The following ARHGAP20 variants were observed in gnomAD, a reference collection of about 807,000 sequenced individuals.
ARHGAP20 encodes the protein Rho GTPase activating protein 20.
Under a neutral mutation model 73.7 loss-of-function variants are expected in ARHGAP20, and 34 were observed. The ratio of observed to expected loss-of-function variants is 0.46; its 90% confidence interval spans 0.35 to 0.61. ARHGAP20 has a LOEUF of 0.61. Ranked by LOEUF, ARHGAP20 falls within the 20% of genes least tolerant of loss-of-function variation. The pLI, the probability that ARHGAP20 is intolerant of heterozygous loss-of-function variation, is 0.00. For missense variants in ARHGAP20, 1,314 were observed against 1,420.9 expected (o/e 0.92, Z 1.21); for synonymous variants, 523 against 518.2 (o/e 1.01, Z -0.13).
chr11:110,621,828 T>C (rs529723916), intron 4 of ARHGAP20, among the ~76,000 whole-genome samples: 1 of 152,334 alleles, frequency 6.6e-6, no homozygotes, highest in East Asian at 1.9e-4. Flanking sequence ...ATTACAAATG[T>C]TTTGTTTTGG....
chr11:110,703,809 G>T (rs990298770), intron 1 of ARHGAP20, among the ~76,000 whole-genome samples: 2 of 152,118 alleles, frequency 1.3e-5, no homozygotes, highest in Admixed American at 6.6e-5. Flanking sequence ...CCCTGGAGTA[G>T]GTAGAGTCAA....
At chr11:110,697,773 T>C (rs891889043) in intron 1 of ARHGAP20, among the ~76,000 whole-genome samples, 2 of 151,866 alleles carry the variant, frequency 1.3e-5, no homozygotes, top group Non-Finnish European at 2.9e-5. Flanking sequence ...TTCTGCTCCA[T>C]TGATCTGTAT....
intron 2 of ARHGAP20, among the ~76,000 whole-genome samples, chr11:110,653,596 A>C (rs1486353887): frequency 2.0e-5 from 3 of 152,206 alleles, no homozygotes; most frequent in African/African-American, 4.8e-5. Flanking sequence ...GGTTGCAGAG[A>C]AATCGGAATG....
chr11:110,582,317 A>G lies in ARHGAP20; in HGVS notation c.1720+4T>C. 4 of 1,595,510 alleles carry G rather than the reference A, an allele frequency of 2.5e-6. No individual in the cohort carries two copies. Among genetic ancestry groups the G allele is most frequent in the South Asian group, 1.1e-5 (1 of 90,624 alleles). The stretch of plus-strand genomic sequence containing the variant: ...ACAAAAACCAATCCAATTATTCACA[A>G]TACCTGAGGCATTCTCTCTAGTGTC... On this transcript the variant is annotated splice_donor_region_variant and intron_variant, in intron 14 of 14. Coordinates refer to ENST00000683387, the MANE Select transcript of ARHGAP20 (RefSeq NM_001384657.1).
In ARHGAP20 at chr11:110,580,561, C is replaced by T; in HGVS notation, c.2385G>A (p.Lys795=). Residue 795 remains lysine (K), a synonymous_variant, in exon 15 of 15, where the codon AAG becomes AAA. Transcript: ENST00000683387. ...SEGNHVKLFP[K]SKPVAISVAS... is the part of the protein sequence containing the mutation. ...CCACAGAAATGGCCACTGGCTTAGA[C>T]TTAGGGAAAAGTTTCACGTGATTTC... 1 of 1,614,236 alleles carries T rather than the reference C, an allele frequency of 6.2e-7. No homozygotes were observed. The highest frequency in any genetic ancestry group is 8.5e-7 in the Non-Finnish European group (1 of 1,180,048).
At chr11:110,652,298 C>G (rs775626711) in intron 2 of ARHGAP20, among the ~76,000 whole-genome samples, 1 of 152,090 alleles carries the variant, frequency 6.6e-6, no homozygotes, top group African/African-American at 2.4e-5. Flanking sequence ...TGGGCAAAAG[C>G]TGGAAGCATT....
At chr11:110,666,232 T>C (rs1949721565) in intron 2 of ARHGAP20, among the ~76,000 whole-genome samples, 1 of 152,198 alleles carries the variant, frequency 6.6e-6, no homozygotes. Context: ...AATGAAGAGA[T>C]ACCATGTTCA....
intron 9 of ARHGAP20, among the ~76,000 whole-genome samples, chr11:110,605,581 AC>A (rs1229315351): frequency 3.9e-5 from 6 of 152,242 alleles, no homozygotes; most frequent in African/African-American, 1.4e-4. Context: ...ATAGCTACAT[AC>A]AAATGTTTCT....
Position 110,598,941 on chromosome 11 carries a change from G to A in ARHGAP20, c.965-6786C>T, listed in dbSNP as rs1474522326. Among the ~76,000 whole-genome samples, 3 of 151,620 alleles carry A rather than the reference G, an allele frequency of 2.0e-5. No homozygotes were observed. The East Asian group carries it at 5.8e-4, about 29-fold the overall frequency. On this transcript the variant is annotated intron_variant, in intron 9 of 14. Coordinates refer to ENST00000683387, the MANE Select transcript of ARHGAP20 (RefSeq NM_001384657.1). Reference sequence around the variant, plus strand: ...CCATCTGAGTTGTGGTTGCAGGCCTGAGCTTCCTGCTCCACAGAGCAGGTA... The same window carrying A: ...CCATCTGAGTTGTGGTTGCAGGCCTAAGCTTCCTGCTCCACAGAGCAGGTA...
At chr11:110,674,630 T>TTA (rs148568539) in intron 2 of ARHGAP20, among the ~76,000 whole-genome samples, 2,370 of 151,722 alleles carry the variant, frequency 0.016, 26 homozygotes, top group South Asian at 0.025. Flanking sequence ...AGATTTCTCA[T>TTA]TATATATATA....
chr11:110,688,292 A>C (rs867186188), intron 2 of ARHGAP20, among the ~76,000 whole-genome samples: 1 of 148,364 alleles, frequency 6.7e-6, no homozygotes, highest in African/African-American at 2.5e-5. Flanking sequence ...CCCGCCCCCA[A>C]TGTGAACCAC....
intron 1 of ARHGAP20, among the ~76,000 whole-genome samples, chr11:110,702,219 G>A (rs1016409601): frequency 2.0e-5 from 3 of 152,060 alleles, no homozygotes; most frequent in Admixed American, 1.3e-4. Context: ...TGGGATGCAA[G>A]GCTGGTTCAA....
chr11:110,709,100 C>T (rs1039102138), intron 1 of ARHGAP20, among the ~76,000 whole-genome samples: 1 of 152,242 alleles, frequency 6.6e-6, no homozygotes, highest in Admixed American at 6.5e-5. Context: ...TTTCTCTAAA[C>T]GAAGTTTTAT....
rs1947427693 is a variant in ARHGAP20, at chr11:110,580,516, G to A, written c.2430C>T (p.Ser810=). The A allele has an allele frequency of 1.9e-6, 3 of 1,614,042 alleles. No individual in the cohort carries two copies. The highest frequency in any genetic ancestry group is 1.7e-5 in the Admixed American group (1 of 60,006). Residue 810 remains serine, a synonymous_variant, in exon 15 of 15, where the codon TCC becomes TCT. Transcript: ENST00000683387. ...GCTGGTTCTTGGAATGATCCTGTGA[G>A]GACATAGGACTATAAGATGCCACAG... ...AISVASYSPM[S]SQDHSKNQPF...
intron 2 of ARHGAP20, among the ~76,000 whole-genome samples, chr11:110,688,114 G>A (rs1950171953): frequency 6.6e-6 from 1 of 152,144 alleles, no homozygotes; most frequent in Non-Finnish European, 1.5e-5. Flanking sequence ...TTATATAGGG[G>A]ACTTTCAAAA....
At chr11:110,619,666 GTA>G (rs1948583269) in intron 4 of ARHGAP20, among the ~76,000 whole-genome samples, 1 of 151,798 alleles carries the variant, frequency 6.6e-6, no homozygotes, top group Non-Finnish European at 1.5e-5. Flanking sequence ...TAGTGATAGA[GTA>G]TATGCAGTGA....
At chr11:110,597,113 G>C (rs1233358625) in intron 9 of ARHGAP20, among the ~76,000 whole-genome samples, 2 of 142,666 alleles carry the variant, frequency 1.4e-5, no homozygotes, top group African/African-American at 5.1e-5. Context: ...ACACAGGAAG[G>C]GGAACGTCAC....
chr11:110,637,237 T>C (rs568230266), intron 2 of ARHGAP20, among the ~76,000 whole-genome samples: 1 of 152,050 alleles, frequency 6.6e-6, no homozygotes, highest in South Asian at 2.1e-4. Flanking sequence ...ACAAAGAAAA[T>C]AAAATTCAGA....
At chr11:110,680,375 CT>C (rs1175188113) in intron 2 of ARHGAP20, among the ~76,000 whole-genome samples, 2 of 152,044 alleles carry the variant, frequency 1.3e-5, no homozygotes, top group Non-Finnish European at 2.9e-5. Context: ...CCTAATATGT[CT>C]TTTTTTCAAG....
Sources: allele counts gnomAD v4.1 joint callset (sites outside exome capture counted in the v4.1 genomes callset), GRCh38; gene constraint gnomAD v4.1.1; transcripts MANE v1.5; gene names NCBI Gene and HGNC (gene_info 2026-07-23, HGNC 2026-07-21).